The following C2CD3 variants were observed in gnomAD, a reference collection of about 807,000 sequenced individuals.
The protein encoded by C2CD3 is C2 domain-containing protein 3.
A neutral mutation model predicts 234.0 loss-of-function variants in C2CD3; 148 were observed. The ratio of observed to expected loss-of-function variants is 0.63; its 90% CI spans 0.55 to 0.72. The LOEUF (loss-of-function observed/expected upper bound fraction) is 0.72, where lower values mean the gene tolerates loss of function less well. Among genes scored for constraint, C2CD3 ranks in the 30% least tolerant of loss-of-function variants. The pLI, the probability that C2CD3 is intolerant of heterozygous loss-of-function variation, is 0.00. For missense variants in C2CD3, 2,577 were observed against 2,811.5 expected (o/e 0.92, Z 1.89); for synonymous variants, 1,000 against 1,035.4 (o/e 0.97, Z 0.66).
intron 24 of C2CD3, among the ~76,000 whole-genome samples, chr11:74,066,990 G>A (rs936394260): frequency 2.0e-5 from 3 of 152,066 alleles, no homozygotes; most frequent in African/African-American, 7.2e-5. Context: ...ATTCATGAAG[G>A]TTTTATATTA....
chr11:74,067,188 A>C (rs1954581832), intron 24 of C2CD3, among the ~76,000 whole-genome samples: 1 of 152,174 alleles, frequency 6.6e-6, no homozygotes. Context: ...TAAAGAAAGA[A>C]ACTGGGTGAT....
At chr11:74,031,272 G>A (rs1479636669) in intron 31 of C2CD3, among the ~76,000 whole-genome samples, 1 of 152,174 alleles carries the variant, frequency 6.6e-6, no homozygotes, top group Non-Finnish European at 1.5e-5. Flanking sequence ...CTTTGCTTTA[G>A]AATAGAGTCC....
Position 74,118,332 on chromosome 11 carries a change from G to A in C2CD3, c.1416C>T (p.Val472=), listed in dbSNP as rs748228797. ...SDFLSEEDDI[V]PSKKISQSTA... is the part of the protein sequence containing the mutation. ...TTGACTGGCTTATTTTTTTAGAAGG[G>A]ACGATATCATCCTCTTCACTGAGGA... is the stretch of plus-strand genomic sequence containing the variant. The change falls in exon 9 of 33, where the codon GTC becomes GTT. Residue 472 remains valine, a synonymous_variant. Coordinates refer to ENST00000334126, the MANE Select transcript of C2CD3 (RefSeq NM_001286577.2). 3.1e-6 allele frequency: 5 copies of A among 1,612,562 alleles called. No individual in the cohort carries two copies. The highest frequency in any genetic ancestry group is 4.2e-6 in the Non-Finnish European group (5 of 1,178,750).
chr11:74,066,926 A>G (rs561433528), intron 24 of C2CD3, among the ~76,000 whole-genome samples: 1 of 152,294 alleles, frequency 6.6e-6, no homozygotes, highest in Non-Finnish European at 1.5e-5. Context: ...TGTTGCCTTA[A>G]AACAACTACA....
intron 21 of C2CD3, 129 bp from the exon 22 acceptor site, chr11:74,085,099 A>G (rs979614819): frequency 5.4e-6 from 3 of 551,734 alleles, no homozygotes; most frequent in Non-Finnish European, 6.4e-6. Context: ...ATTAGAGATT[A>G]TCTTGCTCTT....
intron 7 of C2CD3, 65 bp downstream of exon 7, chr11:74,132,779 T>C (rs1957717068): frequency 9.5e-6 from 14 of 1,474,046 alleles, no homozygotes; most frequent in Middle Eastern, 3.5e-4. Flanking sequence ...ATGAATCTGA[T>C]AACAATGCAT....
chr11:74,108,884 TA>T (rs1435550423), intron 12 of C2CD3, 149 bp downstream of exon 12: 3 of 354,178 alleles, frequency 8.5e-6, no homozygotes, highest in Admixed American at 4.6e-5. Flanking sequence ...GTAATAATAA[TA>T]ATGATAATAA....
intron 21 of C2CD3, 152 bp downstream of exon 21, chr11:74,085,466 T>A (rs1335885614): frequency 1.4e-6 from 1 of 714,784 alleles, no homozygotes. Context: ...TTAGTACATA[T>A]CCTTATTTTT....
At chr11:74,101,577 A>G (rs1002581738) in intron 14 of C2CD3, among the ~76,000 whole-genome samples, 1 of 152,210 alleles carries the variant, frequency 6.6e-6, no homozygotes, top group African/African-American at 2.4e-5. Context: ...ACAGCAACCT[A>G]ACCTCCAAAT....
At chr11:74,025,479 TTACTAAAAA>T (rs1952257463) in intron 32 of C2CD3, among the ~76,000 whole-genome samples, 2 of 152,126 alleles carry the variant, frequency 1.3e-5, no homozygotes, top group African/African-American at 4.8e-5. Flanking sequence ...TTTAGTATTT[TTACTAAAAA>T]TACTAAAAAT....
chr11:74,068,813 A>T (rs556616341), intron 24 of C2CD3, among the ~76,000 whole-genome samples: 1 of 151,908 alleles, frequency 6.6e-6, no homozygotes, highest in Non-Finnish European at 1.5e-5. Context: ...TTATTTATTT[A>T]TTTTTTGAGA....
chr11:74,071,276 T>A (rs1172158392), intron 24 of C2CD3, among the ~76,000 whole-genome samples: 1 of 152,202 alleles, frequency 6.6e-6, no homozygotes, highest in African/African-American at 2.4e-5. Context: ...TTAGCCTCTT[T>A]CTGTTTAGCC....
At chr11:74,104,075 A>G (rs1956422082) in intron 13 of C2CD3, among the ~76,000 whole-genome samples, 2 of 152,372 alleles carry the variant, frequency 1.3e-5, no homozygotes, top group South Asian at 4.1e-4. Flanking sequence ...CAATTAATAA[A>G]TGCAAAAGAG....
chr11:74,064,691 C>T (rs1488073385), intron 24 of C2CD3, among the ~76,000 whole-genome samples: 3 of 152,128 alleles, frequency 2.0e-5, no homozygotes, highest in Non-Finnish European at 4.4e-5. Context: ...GCTGCAGTAA[C>T]CAAAACAGCA....
At chr11:74,114,664 G>A in intron 9 of C2CD3, 71 bp from the exon 10 acceptor site, 1 of 969,478 alleles carries the variant, frequency 1.0e-6, no homozygotes, top group Non-Finnish European at 1.7e-6. Flanking sequence ...AGTTTGCACA[G>A]GCAAGATGAG....
intron 30 of C2CD3, among the ~76,000 whole-genome samples, chr11:74,035,563 C>T (rs1952699792): frequency 6.6e-6 from 1 of 152,120 alleles, no homozygotes; most frequent in Non-Finnish European, 1.5e-5. Flanking sequence ...TCTCTAGGGC[C>T]TAGCCTAGCA....
At chr11:74,154,974 A>G (rs1389951720) in intron 3 of C2CD3, among the ~76,000 whole-genome samples, 2 of 152,242 alleles carry the variant, frequency 1.3e-5, no homozygotes, top group Non-Finnish European at 2.9e-5. Flanking sequence ...TTCAATTTTA[A>G]GAACAGCTGT....
intron 2 of C2CD3, among the ~76,000 whole-genome samples, chr11:74,166,551 A>G (rs1411382601): frequency 6.6e-6 from 1 of 152,240 alleles, no homozygotes; most frequent in African/African-American, 2.4e-5. Flanking sequence ...AAGAGCATAG[A>G]GTAGAAGCAG....
At chr11:74,057,843 T>C (rs1954032116) in intron 24 of C2CD3, among the ~76,000 whole-genome samples, 1 of 152,074 alleles carries the variant, frequency 6.6e-6, no homozygotes, top group Admixed American at 6.5e-5. Context: ...CACATGCCTG[T>C]AGTCCCAGCT....
Sources: gnomAD v4.1 joint callset for allele counts (sites outside exome capture counted in the v4.1 genomes callset) on GRCh38, gnomAD v4.1.1 for gene constraint, MANE v1.5 for transcripts, NCBI Gene and HGNC (gene_info 2026-07-23, HGNC 2026-07-21) for gene names.